Variants in NAV1 observed in about 807,000 individuals in gnomAD.
NAV1 encodes pore membrane and/or filament interacting like protein 3.
Under a neutral mutation model 175.2 loss-of-function variants are expected in NAV1, and 18 were observed. That is an observed-to-expected ratio of 0.10 (90% CI 0.07 to 0.15). The LOEUF (loss-of-function observed/expected upper bound fraction) is 0.15. Among genes scored for constraint, NAV1 ranks in the 10% least tolerant of loss-of-function variants. The pLI, the probability that NAV1 is intolerant of heterozygous loss-of-function variation, is 1.00. For missense variants in NAV1, 1,731 were observed against 2,436.6 expected (o/e 0.71, Z 6.10); for synonymous variants, 897 against 978.7 (o/e 0.92, Z 1.56).
At chr1:201,608,534 G>A (rs914409960) in intron 2 of NAV1, among the ~76,000 whole-genome samples, 5 of 152,190 alleles carry the variant, frequency 3.3e-5, no homozygotes, top group Admixed American at 1.3e-4. Context: ...CAGGCAGAAC[G>A]GAGGCAGTTG....
chr1:201,544,861 T>A (rs1028522642), intron 1 of NAV1, among the ~76,000 whole-genome samples: 1 of 152,242 alleles, frequency 6.6e-6, no homozygotes, highest in Non-Finnish European at 1.5e-5. Context: ...TCACTGGATG[T>A]GTCCCCATGT....
At chr1:201,731,199 C>T (rs188117215) in intron 3 of NAV1, among the ~76,000 whole-genome samples, 18 of 151,936 alleles carry the variant, frequency 1.2e-4, no homozygotes, top group Admixed American at 3.9e-4. Context: ...AGAGTCAGCA[C>T]GTTCGTGATG....
chr1:201,573,019 A>C (rs1485181281), intron 1 of NAV1, among the ~76,000 whole-genome samples: 2 of 152,210 alleles, frequency 1.3e-5, no homozygotes, highest in Non-Finnish European at 2.9e-5. Context: ...ATCTGAAACT[A>C]GTGTCATCAC....
intron 13 of NAV1, chr1:201,792,827 G>C (rs761655155): frequency 3.3e-5 from 5 of 152,270 alleles, no homozygotes; most frequent in African/African-American, 1.2e-4. Context: ...GTAGGCTCCA[G>C]ACATGCGGAG....
At chr1:201,746,289 G>A (rs1432748334) in intron 3 of NAV1, among the ~76,000 whole-genome samples, 1 of 152,162 alleles carries the variant, frequency 6.6e-6, no homozygotes, top group Admixed American at 6.5e-5. Flanking sequence ...ATAGCTGATA[G>A]GATACCACTG....
upstream of NAV1, among the ~76,000 whole-genome samples, chr1:201,620,827 T>G (rs1187481541): frequency 6.6e-6 from 1 of 152,086 alleles, no homozygotes. Context: ...TATAGTACAT[T>G]TGATAGCAAC....
chr1:201,637,373 A>G lies in NAV1; in HGVS notation c.4+7866A>G, dbSNP rs566967605. 1.5e-4 allele frequency among the ~76,000 whole-genome samples: 23 copies of G among 152,330 alleles called. No homozygotes were observed. The South Asian group carries it at 2.5e-3, about 16-fold the overall frequency. ...TCCCCCCAGATAAATGGACATATTC[A>G]CAGTATTTGGCTTATGTTTGATGGC... On this transcript the variant is annotated intron_variant, in intron 2 of 29. Coordinates refer to the NAV1 transcript ENST00000367302.
chr1:201,653,502 G>T (rs534389115), intron 1 of NAV1, among the ~76,000 whole-genome samples: 24 of 152,098 alleles, frequency 1.6e-4, no homozygotes, highest in Admixed American at 1.4e-3. Context: ...AATTTTTTGG[G>T]GGGGAGGGGC....
exon 26 of NAV1, chr1:201,811,905 C>T: frequency 6.2e-7 from 1 of 1,614,042 alleles, no homozygotes. Flanking sequence ...CCCTACAGTC[C>T]CTATATTATA....
chr1:201,698,985 G>T (rs1671299346), intron 1 of NAV1, among the ~76,000 whole-genome samples: 1 of 152,210 alleles, frequency 6.6e-6, no homozygotes, highest in Non-Finnish European at 1.5e-5. Context: ...ACTTGAAAGT[G>T]CGCCAAAGGC....
Position 201,669,191 on chromosome 1 carries a change from T to G in NAV1, c.757+19766T>G, listed in dbSNP as rs191200417. 2.0e-5 allele frequency among the ~76,000 whole-genome samples: 3 copies of G among 152,368 alleles called. No individual in the cohort carries two copies. The East Asian group carries it at 5.8e-4, about 29-fold the overall frequency. ...GACCCATTCCTTCTCTTCATGGACT[T>G]ACAACTTTGTGGGGCAGATGGTGTG... is the stretch of plus-strand genomic sequence containing the variant. On this transcript the variant is annotated intron_variant, in intron 1 of 29. Transcript: ENST00000367296.
chr1:201,548,951 T>A lies in NAV1; in HGVS notation c.-144+9609T>A, dbSNP rs550156794. On this transcript the variant is annotated intron_variant, in intron 1 of 33. Coordinates refer to the NAV1 transcript ENST00000685211. ...ACAGAAAACTATTTGGACAATAGAATGGAGTTGGGAAGAGGTGGGACAGGA... is the reference window on the plus strand; with the variant it reads ...ACAGAAAACTATTTGGACAATAGAAAGGAGTTGGGAAGAGGTGGGACAGGA... 2.6e-5 allele frequency among the ~76,000 whole-genome samples: 4 copies of A among 152,328 alleles called. No individual in the cohort carries two copies. The South Asian group carries it at 8.3e-4, about 32-fold the overall frequency.
rs978345264 is a variant in NAV1 at position 201,788,743 on chromosome 1, T to A, written c.3166+105T>A. On this transcript the variant is annotated intron_variant, in intron 10 of 29. Coordinates refer to ENST00000367296, the Ensembl canonical transcript of NAV1. This position sits in a 1 kb window ranked among gnomAD's most constrained non-coding sequence, Gnocchi z 5.7. ...TCCTACCACCACACACATATATGAT[T>A]CACAGAACATCAAGTTGGGCCATTT... 1.6e-6 allele frequency: 2 copies of A among 1,288,666 alleles called. No individual in the cohort carries two copies. Among genetic ancestry groups the A allele is most frequent in the African/African-American group, 1.5e-5 (1 of 67,272 alleles). The allele number at this position is 1,288,666 out of a possible 1,614,324, so 79.8% of individuals were successfully genotyped here. A position where few individuals can be genotyped will look rare whatever the true frequency, so the allele number is the denominator to read the frequency against.
exon 30 of NAV1, chr1:201,823,370 G>T (rs975802782): frequency 6.6e-6 from 1 of 151,768 alleles, no homozygotes; most frequent in African/African-American, 2.4e-5. Flanking sequence ...CTGCGTGTGT[G>T]TGTGTGTGTG....
upstream of NAV1, among the ~76,000 whole-genome samples, chr1:201,621,681 G>T (rs1004969559): frequency 6.6e-6 from 1 of 152,080 alleles, no homozygotes; most frequent in South Asian, 2.1e-4. Flanking sequence ...TTTTGAAAAG[G>T]TTTTTTGCCC....
upstream of NAV1, among the ~76,000 whole-genome samples, chr1:201,621,324 TTTTC>T (rs1448772536): frequency 6.7e-6 from 1 of 149,040 alleles, no homozygotes; most frequent in Non-Finnish European, 1.5e-5. Context: ...GCAAGTTTTC[TTTTC>T]TTTCTTTTTT....
chr1:201,656,844 G>A (rs759556866), intron 1 of NAV1, among the ~76,000 whole-genome samples: 7 of 152,202 alleles, frequency 4.6e-5, no homozygotes, highest in East Asian at 1.9e-4. Context: ...GGCAGAGCCC[G>A]CTGGGGTTTG....
Position 201,789,832 on chromosome 1 carries a change from C to T in NAV1, c.3219+40C>T, listed in dbSNP as rs183086645. 1.8e-5 allele frequency: 29 copies of T among 1,582,968 alleles called. No homozygotes were observed. The East Asian group carries it at 6.0e-4, about 33-fold the overall frequency. On this transcript the variant is annotated intron_variant, in intron 11 of 29. Coordinates refer to ENST00000367296, the Ensembl canonical transcript of NAV1. Reference sequence around the variant, plus strand: ...TTCTCTTCCCCTCTCATCCCCTCCCCTCTACCATCCCATGCTCCCTAGAAC... The same window carrying T: ...TTCTCTTCCCCTCTCATCCCCTCCCTTCTACCATCCCATGCTCCCTAGAAC...
chr1:201,575,696 T>G (rs1666674779), intron 1 of NAV1, among the ~76,000 whole-genome samples: 1 of 152,064 alleles, frequency 6.6e-6, no homozygotes, highest in South Asian at 2.1e-4. Flanking sequence ...CACGGAGTGG[T>G]GACGTAACAA....
Sources: gnomAD v4.1 joint callset for allele counts (sites outside exome capture counted in the v4.1 genomes callset) on GRCh38, gnomAD v4.1.1 for gene constraint, Gnocchi (gnomAD v3.1) non-coding constraint, MANE v1.5 for transcripts, NCBI Gene and HGNC (gene_info 2026-07-23, HGNC 2026-07-21) for gene names.